Variants in MARCHF1 observed in about 807,000 individuals in gnomAD.
MARCHF1 encodes membrane associated ring-CH-type finger 1, also known as E3 ubiquitin-protein ligase MARCHF1.
MARCHF1 carries 40 observed loss-of-function variants against 54.2 expected under a neutral mutation model. That is an observed-to-expected ratio of 0.74 (90% CI 0.57 to 0.96). The LOEUF (loss-of-function observed/expected upper bound fraction) is 0.96, where lower values mean the gene tolerates loss of function less well. MARCHF1 is among the 40% of genes least tolerant of loss of function. The probability of loss-of-function intolerance (pLI) is 0.00; values close to 1 mark genes in which losing one functional copy is unlikely to be tolerated. For missense variants in MARCHF1, 586 were observed against 656.5 expected, an observed-to-expected ratio of 0.89 and a Z score of 1.17; for synonymous variants, 236 against 236.3, an observed-to-expected ratio of 1.00 and a Z score of 0.01.
intron 1 of MARCHF1, among the ~76,000 whole-genome samples, chr4:164,177,744 C>T (rs1278254474): frequency 2.0e-5 from 3 of 151,942 alleles, no homozygotes; most frequent in East Asian, 1.9e-4. Context: ...GCCATGCAAA[C>T]ATGCATGCAG....
At chr4:164,251,225 G>A (rs1231662840) in intron 1 of MARCHF1, among the ~76,000 whole-genome samples, 1 of 151,894 alleles carries the variant, frequency 6.6e-6, no homozygotes, top group Non-Finnish European at 1.5e-5. Context: ...CCTTAACATG[G>A]CATTAAAAGT....
At chr4:163,623,510 C>T (rs1405216803) in intron 5 of MARCHF1, among the ~76,000 whole-genome samples, 2 of 152,252 alleles carry the variant, frequency 1.3e-5, no homozygotes, top group African/African-American at 4.8e-5. Context: ...TGAGAATCCA[C>T]GTTTCTTGCA....
intron 4 of MARCHF1, among the ~76,000 whole-genome samples, chr4:163,827,030 C>T (rs1321990162): frequency 6.6e-6 from 1 of 151,786 alleles, no homozygotes; most frequent in Non-Finnish European, 1.5e-5. Flanking sequence ...ATGGTACAGC[C>T]TAAAATTGTA....
At chr4:164,023,608 A>G (rs1368875596) in intron 2 of MARCHF1, among the ~76,000 whole-genome samples, 1 of 152,240 alleles carries the variant, frequency 6.6e-6, no homozygotes, top group African/African-American at 2.4e-5. Flanking sequence ...CTTACAATAC[A>G]GTTAAAAAGA....
intron 5 of MARCHF1, among the ~76,000 whole-genome samples, chr4:163,653,684 A>C (rs1355277941): frequency 6.6e-6 from 1 of 151,722 alleles, no homozygotes; most frequent in Non-Finnish European, 1.5e-5. Context: ...GGTAGACATC[A>C]AGGTTTGGTT....
chr4:163,871,148 A>C (rs1370194620), intron 3 of MARCHF1, among the ~76,000 whole-genome samples: 5 of 152,134 alleles, frequency 3.3e-5, no homozygotes, highest in Non-Finnish European at 7.4e-5. Context: ...TAAAAGCAAA[A>C]CTAAGATAAA....
intron 2 of MARCHF1, among the ~76,000 whole-genome samples, chr4:164,059,708 T>C (rs1560884989): frequency 6.6e-6 from 1 of 152,164 alleles, no homozygotes; most frequent in African/African-American, 2.4e-5. Context: ...TGATGCTGGG[T>C]ATTTTTTTAA....
intron 9 of MARCHF1, among the ~76,000 whole-genome samples, chr4:163,542,450 T>TTG (rs1738749895): frequency 6.6e-6 from 1 of 152,194 alleles, no homozygotes; most frequent in Non-Finnish European, 1.5e-5. Flanking sequence ...TGTGGTGAGT[T>TTG]TCACAGTCAG....
intron 5 of MARCHF1, among the ~76,000 whole-genome samples, chr4:163,692,097 A>G (rs1744476511): frequency 6.6e-6 from 1 of 152,166 alleles, no homozygotes; most frequent in South Asian, 2.1e-4. Context: ...TGGCCCAAGG[A>G]TCATTGCTCA....
chr4:163,832,635 A>T (rs1032739364), intron 4 of MARCHF1, among the ~76,000 whole-genome samples: 15 of 151,244 alleles, frequency 9.9e-5, no homozygotes, highest in East Asian at 5.8e-4. Context: ...CATGTGCACA[A>T]CGTGCAGGTT....
At chr4:164,229,289 A>G (rs1291050420) in intron 1 of MARCHF1, among the ~76,000 whole-genome samples, 1 of 152,196 alleles carries the variant, frequency 6.6e-6, no homozygotes, top group Non-Finnish European at 1.5e-5. Context: ...ACGCGAGGTT[A>G]TAAAAGCAGC....
intron 2 of MARCHF1, among the ~76,000 whole-genome samples, chr4:164,044,243 G>A (rs1285813320): frequency 2.0e-5 from 3 of 152,106 alleles, no homozygotes; most frequent in Admixed American, 6.6e-5. Context: ...CTGCTATGAA[G>A]AATTACTTGA....
intron 1 of MARCHF1, among the ~76,000 whole-genome samples, chr4:164,153,987 G>A (rs1730010523): frequency 6.6e-6 from 1 of 152,120 alleles, no homozygotes; most frequent in South Asian, 2.1e-4. Flanking sequence ...CTATTAACCT[G>A]TTCTATATTG....
chr4:164,199,597 C>T (rs1207679442), intron 1 of MARCHF1, among the ~76,000 whole-genome samples: 1 of 148,020 alleles, frequency 6.8e-6, no homozygotes, highest in African/African-American at 2.5e-5. Context: ...GATCACTCCA[C>T]TACACTCCAG....
Position 163,779,240 on chromosome 4 carries a change from A to C in MARCHF1, c.111+74781T>G, listed in dbSNP as rs564604555. On this transcript the variant is annotated intron_variant, in intron 4 of 9. Coordinates refer to ENST00000514618, the MANE Select transcript of MARCHF1 (RefSeq NM_001394959.1). Reference sequence around the variant, plus strand: ...TAGCTTTTTGTCTTAGCTAATTTGAATGATATTTTAGTCACATAGAATCAC... The same window carrying C: ...TAGCTTTTTGTCTTAGCTAATTTGACTGATATTTTAGTCACATAGAATCAC... 2.5e-3 allele frequency among the ~76,000 whole-genome samples: 377 copies of C among 152,324 alleles called. 1 individual carries two copies. The highest frequency in any genetic ancestry group is 4.2e-3 in the Non-Finnish European group (289 of 68,016).
chr4:164,074,671 T>C (rs998027005), intron 2 of MARCHF1, among the ~76,000 whole-genome samples: 9 of 152,218 alleles, frequency 5.9e-5, no homozygotes, highest in African/African-American at 1.9e-4. Context: ...TTTATAGACA[T>C]GGAAAAATTT....
intron 1 of MARCHF1, among the ~76,000 whole-genome samples, chr4:164,168,585 A>G (rs995444554): frequency 6.6e-6 from 1 of 152,018 alleles, no homozygotes; most frequent in Non-Finnish European, 1.5e-5. Flanking sequence ...TCAATGATGG[A>G]CCTGCAGAAC....
intron 1 of MARCHF1, among the ~76,000 whole-genome samples, chr4:164,221,880 G>A (rs986612462): frequency 2.0e-5 from 3 of 151,958 alleles, no homozygotes; most frequent in African/African-American, 7.2e-5. Flanking sequence ...CCAGTAGAGT[G>A]AGCTTACCAT....
chr4:163,645,594 C>G (rs896854701), intron 5 of MARCHF1, among the ~76,000 whole-genome samples: 4 of 152,088 alleles, frequency 2.6e-5, no homozygotes, highest in Non-Finnish European at 4.4e-5. Flanking sequence ...CAATGAGGTG[C>G]AAGAAAACAC....
Sources: allele counts gnomAD v4.1 joint callset (sites outside exome capture counted in the v4.1 genomes callset), GRCh38; gene constraint gnomAD v4.1.1; transcripts MANE v1.5; gene names NCBI Gene and HGNC (gene_info 2026-07-23, HGNC 2026-07-21).